Variants in ZNF676 observed in about 807,000 individuals in gnomAD.
ZNF676 encodes the protein zinc finger protein 676.
A neutral mutation model predicts 6.0 loss-of-function variants in ZNF676; 4 were observed. The ratio of observed to expected loss-of-function variants is 0.67; its 90% CI spans 0.33 to 1.53. The LOEUF is 1.53. Among genes scored for constraint, ZNF676 ranks in the 40% most tolerant of loss-of-function variants. ZNF676 has a pLI of 0.06. For missense variants in ZNF676, 644 were observed against 679.7 expected (o/e 0.95, Z 0.58); for synonymous variants, 198 against 223.1 (o/e 0.89, Z 1.00).
the ZNF676 span, among the ~76,000 whole-genome samples, chr19:22,256,313 C>A: frequency 2.0e-5 from 3 of 152,020 alleles, no homozygotes; most frequent in Admixed American, 6.6e-5. Context: ...GAGATTTGTA[C>A]AATATTCCCC....
chr19:22,250,129 C>T, the ZNF676 span, among the ~76,000 whole-genome samples: 1 of 151,466 alleles, frequency 6.6e-6, no homozygotes, highest in South Asian at 2.1e-4. Flanking sequence ...TTTCAGTGAG[C>T]CAAGATCATG....
the ZNF676 span, among the ~76,000 whole-genome samples, chr19:22,226,133 TATAG>T: frequency 1.3e-5 from 2 of 152,104 alleles, no homozygotes; most frequent in Non-Finnish European, 2.9e-5. Flanking sequence ...GCTTTATCAG[TATAG>T]ATATTCAGTT....
exon 1 of ZNF676, chr19:22,215,723 A>G (rs281185): frequency 0.38 from 578,139 of 1,534,998 alleles, 113,582 homozygotes; most frequent in African/African-American, 0.67. Flanking sequence ...GACTCTAGGA[A>G]CAGTAAGGAC....
chr19:22,201,165 C>T (rs768181538), upstream of ZNF676, among the ~76,000 whole-genome samples: 93 of 152,248 alleles, frequency 6.1e-4, no homozygotes, highest in Admixed American at 9.2e-4. Flanking sequence ...ATACTCTACT[C>T]CAGTATCACA....
the ZNF676 span, among the ~76,000 whole-genome samples, chr19:22,250,326 G>GA: frequency 6.6e-6 from 1 of 151,722 alleles, no homozygotes; most frequent in African/African-American, 2.4e-5. Flanking sequence ...TAAACTACAA[G>GA]AAAAAAAAGA....
Position 22,196,802 on chromosome 19 carries a change from GGA to G in ZNF676, c.-171_-170del, listed in dbSNP as rs1322516466. ...CTTTTAATGTGACTCAAGGTAAAAT[GGA>G]GAGAGTAGAGAGAGCTGGTTCTGAC... On this transcript the variant is annotated 5_prime_UTR_variant, in exon 1 of 3. It removes the in-frame stop codon of an upstream open reading frame in the 5' UTR. Coordinates refer to ENST00000397121, the MANE Select transcript of ZNF676 (RefSeq NM_001001411.3). 3 of 1,306,646 alleles carry G rather than the reference GGA, an allele frequency of 2.3e-6. No individual in the cohort carries two copies. The highest frequency in any genetic ancestry group is 2.2e-6 in the Non-Finnish European group (2 of 921,242). The allele number at this position is 1,306,646 out of a possible 1,614,324, so 80.9% of individuals were successfully genotyped here. A position where few individuals can be genotyped will look rare whatever the true frequency, so the allele number is the denominator to read the frequency against.
At chr19:22,206,912 C>T (rs1362034142) in intron 1 of ZNF676, among the ~76,000 whole-genome samples, 1 of 152,092 alleles carries the variant, frequency 6.6e-6, no homozygotes, top group African/African-American at 2.4e-5. Flanking sequence ...ATGTTAAAAA[C>T]CCTCAACAAA....
chr19:22,232,429 G>C, the ZNF676 span, among the ~76,000 whole-genome samples: 4 of 152,140 alleles, frequency 2.6e-5, no homozygotes, highest in Non-Finnish European at 5.9e-5. Flanking sequence ...TCCTTCCAGA[G>C]TGCTGGGAAT....
intron 2 of ZNF676, among the ~76,000 whole-genome samples, chr19:22,184,848 AAAAAG>A (rs2023812580): frequency 6.7e-6 from 1 of 149,798 alleles, no homozygotes. Flanking sequence ...AAAAAAAAAA[AAAAAG>A]GCAGCAGCCA....
chr19:22,194,073 G>C (rs1048573499), intron 1 of ZNF676, among the ~76,000 whole-genome samples: 1 of 152,164 alleles, frequency 6.6e-6, no homozygotes, highest in Admixed American at 6.5e-5. Context: ...AATGATGACA[G>C]GCAATGGCCC....
intron 2 of ZNF676, among the ~76,000 whole-genome samples, chr19:22,185,910 G>C (rs1206161316): frequency 6.6e-6 from 1 of 152,010 alleles, no homozygotes. Flanking sequence ...TTTGATTGGG[G>C]TACCTGAAAG....
chr19:22,196,058 A>G (rs1286743264), intron 1 of ZNF676, among the ~76,000 whole-genome samples: 1 of 152,194 alleles, frequency 6.6e-6, no homozygotes, highest in African/African-American at 2.4e-5. Flanking sequence ...CAATCACAAA[A>G]TGAGAGCTGC....
chr19:22,217,364 T>C (rs281191), upstream of ZNF676, among the ~76,000 whole-genome samples: 64,411 of 151,948 alleles, frequency 0.42, 14,475 homozygotes, highest in African/African-American at 0.58. Context: ...CCACCATGCC[T>C]GGCTAATTTT....
At chr19:22,192,889 A>G in intron 2 of ZNF676, 127 bp downstream of exon 2, 8 of 1,068,448 alleles carry the variant, frequency 7.5e-6, no homozygotes, top group Non-Finnish European at 7.8e-6. Context: ...ATTAAAAAAT[A>G]AAAATAAAAA....
At chr19:22,209,048 T>C (rs2024103802) in intron 1 of ZNF676, among the ~76,000 whole-genome samples, 1 of 152,156 alleles carries the variant, frequency 6.6e-6, no homozygotes, top group Non-Finnish European at 1.5e-5. Flanking sequence ...GCAGATCACC[T>C]GAAGTCAGGA....
At chr19:22,183,602 A>T (rs2023791772) in intron 2 of ZNF676, among the ~76,000 whole-genome samples, 1 of 152,208 alleles carries the variant, frequency 6.6e-6, no homozygotes, top group South Asian at 2.1e-4. Flanking sequence ...GGCCACCTAA[A>T]GTGCTAGGAT....
At chr19:22,246,734 C>T in the ZNF676 span, among the ~76,000 whole-genome samples, 5 of 152,190 alleles carry the variant, frequency 3.3e-5, no homozygotes, top group Admixed American at 1.3e-4. Flanking sequence ...TAGACAGAAG[C>T]GTTACATCAC....
the ZNF676 span, among the ~76,000 whole-genome samples, chr19:22,250,587 TTTTG>T: frequency 7.9e-5 from 12 of 152,168 alleles, no homozygotes; most frequent in Admixed American, 1.3e-4. Flanking sequence ...CCCACCTGTT[TTTTG>T]TTTGTTTGTT....
At chr19:22,259,988 G>A in the ZNF676 span, among the ~76,000 whole-genome samples, 2 of 152,076 alleles carry the variant, frequency 1.3e-5, no homozygotes, top group African/African-American at 2.4e-5. Flanking sequence ...GTGATATGCC[G>A]CAATCCAATT....
Sources: allele counts gnomAD v4.1 joint callset (sites outside exome capture counted in the v4.1 genomes callset), GRCh38; gene constraint gnomAD v4.1.1; transcripts MANE v1.5; gene names NCBI Gene and HGNC (gene_info 2026-07-23, HGNC 2026-07-21).